Variants in PLCH1 observed in about 807,000 individuals in gnomAD.
The protein encoded by PLCH1 is phospholipase C eta 1, also known as 1-phosphatidylinositol 4,5-bisphosphate phosphodiesterase eta-1.
A neutral mutation model predicts 126.7 loss-of-function variants in PLCH1; 60 were observed. That is an observed-to-expected ratio of 0.47 (90% CI 0.38 to 0.59). The LOEUF is 0.59. Ranked by LOEUF, PLCH1 falls within the 20% of genes least tolerant of loss-of-function variation. The pLI is 0.00. For synonymous variants in PLCH1, 719 were observed against 734.9 expected, an observed-to-expected ratio of 0.98 and a Z score of 0.35; for missense variants, 1,723 against 2,040.0, an observed-to-expected ratio of 0.84 and a Z score of 2.99.
At chr3:155,744,167 C>T (rs952210721) in intron 1 of PLCH1, among the ~76,000 whole-genome samples, 10 of 152,118 alleles carry the variant, frequency 6.6e-5, no homozygotes, top group East Asian at 1.9e-4. Flanking sequence ...TTTAGGGGCT[C>T]GCGGGGTGGC....
chr3:155,697,457 G>A (rs891818453), intron 2 of PLCH1, among the ~76,000 whole-genome samples: 46 of 152,076 alleles, frequency 3.0e-4, no homozygotes, highest in Admixed American at 2.7e-3. Context: ...GAAACTGGAG[G>A]AAACACCCCT....
At chr3:155,453,828 T>C (rs1712373494) in intron 21 of PLCH1, among the ~76,000 whole-genome samples, 1 of 151,584 alleles carries the variant, frequency 6.6e-6, no homozygotes, top group Admixed American at 6.6e-5. Flanking sequence ...ATATAGATAT[T>C]CTATTTCTTC....
At chr3:155,679,981 G>T (rs188979478) in intron 2 of PLCH1, among the ~76,000 whole-genome samples, 2 of 152,150 alleles carry the variant, frequency 1.3e-5, no homozygotes, top group South Asian at 2.1e-4. Flanking sequence ...GCCTGATATC[G>T]AAATTCCTCA....
chr3:155,549,704 C>T, intron 10 of PLCH1, 83 bp downstream of exon 10: 2 of 974,398 alleles, frequency 2.1e-6, no homozygotes, highest in South Asian at 1.6e-5. Context: ...ATTATTCTCC[C>T]TTGAAACCCA....
At chr3:155,494,014 GA>G (rs926576711) in intron 17 of PLCH1, 126 bp downstream of exon 17, 315 of 584,088 alleles carry the variant, frequency 5.4e-4, no homozygotes, top group Middle Eastern at 9.3e-4. Flanking sequence ...CTATCTTTTT[GA>G]AAAAAAAAAG....
chr3:155,724,162 T>A (rs1748149393), intron 1 of PLCH1, among the ~76,000 whole-genome samples: 1 of 152,148 alleles, frequency 6.6e-6, no homozygotes, highest in Non-Finnish European at 1.5e-5. Context: ...TGTGGCCTAT[T>A]ATATGGTTTA....
chr3:155,534,863 G>C (rs1397107531), intron 10 of PLCH1, among the ~76,000 whole-genome samples: 1 of 152,106 alleles, frequency 6.6e-6, no homozygotes. Context: ...TGTGAAGAAG[G>C]TGCCTGCTTC....
chr3:155,537,230 A>AAG (rs1723551569), intron 10 of PLCH1, among the ~76,000 whole-genome samples: 2 of 16,260 alleles, frequency 1.2e-4, no homozygotes, highest in Admixed American at 5.5e-4. Flanking sequence ...AAAAAAAAAA[A>AAG]AAACCTAAAA....
chr3:155,696,772 T>G (rs895100440), intron 2 of PLCH1, among the ~76,000 whole-genome samples: 2 of 152,192 alleles, frequency 1.3e-5, no homozygotes, highest in African/African-American at 4.8e-5. Context: ...AAATTGGTAT[T>G]CCCAAGCATA....
intron 13 of PLCH1, among the ~76,000 whole-genome samples, chr3:155,502,070 A>C (rs1717990226): frequency 6.6e-6 from 1 of 152,096 alleles, no homozygotes; most frequent in Non-Finnish European, 1.5e-5. Context: ...ACTTCTCTCT[A>C]TTTCAGTGAC....
intron 2 of PLCH1, among the ~76,000 whole-genome samples, chr3:155,665,345 G>C (rs1259210159): frequency 6.6e-6 from 1 of 152,178 alleles, no homozygotes; most frequent in Non-Finnish European, 1.5e-5. Context: ...GTCCAGTGTT[G>C]TTTGCATTCA....
chr3:155,515,720 T>C (rs1021162282), intron 11 of PLCH1, among the ~76,000 whole-genome samples: 6 of 152,214 alleles, frequency 3.9e-5, no homozygotes, highest in Non-Finnish European at 8.8e-5. Flanking sequence ...CGTTCATAGC[T>C]CTTCTGCTCT....
At chr3:155,677,201 A>G (rs753546602) in intron 2 of PLCH1, among the ~76,000 whole-genome samples, 8 of 152,056 alleles carry the variant, frequency 5.3e-5, no homozygotes, top group Non-Finnish European at 1.2e-4. Flanking sequence ...GACTCCCAGC[A>G]TCTCCCATTC....
intron 10 of PLCH1, among the ~76,000 whole-genome samples, chr3:155,533,568 A>G (rs1237607796): frequency 6.6e-6 from 1 of 152,232 alleles, no homozygotes; most frequent in Non-Finnish European, 1.5e-5. Flanking sequence ...GAAAGAAAAG[A>G]AAAACCCATT....
rs1459258308 is a variant in PLCH1, at chr3:155,511,376, A to C, written c.1632+3347T>G. Among the ~76,000 whole-genome samples the C allele has an allele frequency of 2.3e-3, 287 of 125,066 alleles. 2 individuals carry two copies. Among genetic ancestry groups the C allele is most frequent in the African/African-American group, 0.012 (277 of 23,936 alleles). The allele number at this position is 125,066 out of a possible 152,430, so 82.0% of individuals were successfully genotyped here. On this transcript the variant is annotated intron_variant, in intron 12 of 22. Coordinates refer to ENST00000460012, the MANE Select transcript of PLCH1 (RefSeq NM_014996.4). Reference sequence around the variant, plus strand: ...AGCTCGTCAAAATCATTCTCCATCCAGCTTTGTTCCGTTGCTGGTGAGGAA... The same window carrying C: ...AGCTCGTCAAAATCATTCTCCATCCCGCTTTGTTCCGTTGCTGGTGAGGAA...
intron 10 of PLCH1, among the ~76,000 whole-genome samples, chr3:155,544,162 CATAGGCTCAAAATAAAAG>C (rs1724836633): frequency 6.6e-6 from 1 of 152,100 alleles, no homozygotes; most frequent in Non-Finnish European, 1.5e-5. Flanking sequence ...CAGACACACA[CATAGGCTCAAAATAAAAG>C]GTTGGAGGAA....
At chr3:155,564,813 T>C in intron 8 of PLCH1, 102 bp downstream of exon 8, 1 of 706,178 alleles carries the variant, frequency 1.4e-6, no homozygotes, top group Admixed American at 2.1e-5. Context: ...CTAATTAGTG[T>C]GAGAGTGTGT....
intron 13 of PLCH1, among the ~76,000 whole-genome samples, chr3:155,501,023 T>C (rs1717810689): frequency 6.6e-6 from 1 of 152,182 alleles, no homozygotes; most frequent in African/African-American, 2.4e-5. Flanking sequence ...GAAACTGACT[T>C]CGGAGACACA....
chr3:155,493,902 T>G (rs1435337940), intron 17 of PLCH1, among the ~76,000 whole-genome samples: 1 of 152,146 alleles, frequency 6.6e-6, no homozygotes, highest in African/African-American at 2.4e-5. Flanking sequence ...TCCATGTCCC[T>G]CTTTCACACA....
Sources: allele counts gnomAD v4.1 joint callset (sites outside exome capture counted in the v4.1 genomes callset), GRCh38; gene constraint gnomAD v4.1.1; transcripts MANE v1.5; gene names NCBI Gene and HGNC (gene_info 2026-07-23, HGNC 2026-07-21).